PSEN1: variants seen among roughly 807,000 people sequenced by gnomAD.
The protein encoded by PSEN1 is presenilin 1.
Under a neutral mutation model 53.5 loss-of-function variants are expected in PSEN1, and 15 were observed. The ratio of observed to expected loss-of-function variants is 0.28; its 90% CI spans 0.19 to 0.43. The LOEUF (loss-of-function observed/expected upper bound fraction) is 0.43. Ranked by LOEUF, PSEN1 falls within the 20% of genes least tolerant of loss-of-function variation. The probability of loss-of-function intolerance (pLI) is 1.00; values close to 1 mark genes in which losing one functional copy is unlikely to be tolerated. For missense variants in PSEN1, 387 were observed against 571.2 expected (o/e 0.68, Z 3.29); for synonymous variants, 208 against 209.8 (o/e 0.99, Z 0.08).
chr14:73,165,623 C>G (rs1052601279), intron 3 of PSEN1, among the ~76,000 whole-genome samples: 7 of 151,518 alleles, frequency 4.6e-5, no homozygotes, highest in Non-Finnish European at 1.0e-4. Context: ...TGGCGCATGC[C>G]TGTAATCCCA....
At chr14:73,160,969 CTT>C (rs552718246) in intron 3 of PSEN1, among the ~76,000 whole-genome samples, 13 of 91,612 alleles carry the variant, frequency 1.4e-4, no homozygotes, top group South Asian at 3.5e-4. Context: ...ATATGATTTG[CTT>C]TTTTTTTTTT....
intron 11 of PSEN1, among the ~76,000 whole-genome samples, chr14:73,217,949 G>A (rs753340509): frequency 5.3e-5 from 8 of 151,546 alleles, no homozygotes; most frequent in Non-Finnish European, 1.0e-4. Context: ...CACCACGCCC[G>A]GCTAATTTTT....
intron 5 of PSEN1, among the ~76,000 whole-genome samples, chr14:73,184,076 A>G (rs214265): frequency 1.9e-4 from 19 of 100,982 alleles, no homozygotes; most frequent in South Asian, 3.7e-4. Flanking sequence ...CCTCCCTCCC[A>G]GACGGGGCGG....
intron 5 of PSEN1, among the ~76,000 whole-genome samples, chr14:73,185,067 T>C (rs1256737716): frequency 6.8e-6 from 1 of 147,642 alleles, no homozygotes. Flanking sequence ...GCAGAGGTGC[T>C]CCTCACTTCC....
At chr14:73,213,709 G>T (rs548417229) in intron 10 of PSEN1, among the ~76,000 whole-genome samples, 1 of 152,270 alleles carries the variant, frequency 6.6e-6, no homozygotes, top group South Asian at 2.1e-4. Flanking sequence ...TGAATGTTTA[G>T]TTCTCCCAAG....
intron 7 of PSEN1, among the ~76,000 whole-genome samples, chr14:73,195,758 A>G (rs748327218): frequency 7.2e-5 from 11 of 151,912 alleles, no homozygotes; most frequent in Non-Finnish European, 1.5e-4. Flanking sequence ...TTGACCTCCT[A>G]GCTTCAAGCA....
intron 3 of PSEN1, among the ~76,000 whole-genome samples, chr14:73,158,282 T>TTCTATCTATCTATCTGTCTATCTA (rs1555351587): frequency 1.8e-4 from 25 of 141,574 alleles, no homozygotes; most frequent in African/African-American, 6.6e-4. Context: ...TAACTTTTTT[T>TTCTATCTATCTATCTGTCTATCTA]TCTATCTATC....
In PSEN1 at chr14:73,211,890, T is replaced by G; in HGVS notation, c.1077T>G (p.Ala359=). The stretch of plus-strand genomic sequence containing the variant: ...ATCGCTCTACACCTGAGTCACGAGC[T>G]GCTGTCCAGGAACTTTCCAGCAGTA... ...GPHRSTPESR[A]AVQELSSSIL... Residue 359 remains alanine, a synonymous_variant, in exon 10 of 12, where the codon GCT becomes GCG. Coordinates refer to ENST00000324501, the MANE Select transcript of PSEN1 (RefSeq NM_000021.4). The G allele has an allele frequency of 6.2e-7, 1 of 1,613,976 alleles. No homozygotes were observed. The highest frequency in any genetic ancestry group is 8.5e-7 in the Non-Finnish European group (1 of 1,180,000).
intron 3 of PSEN1, among the ~76,000 whole-genome samples, chr14:73,154,615 A>T (rs1371986599): frequency 2.3e-4 from 35 of 152,188 alleles, no homozygotes; most frequent in Admixed American, 2.3e-3. Context: ...AAAGAAAAAA[A>T]TGTGTGGCAA....
intron 10 of PSEN1, among the ~76,000 whole-genome samples, chr14:73,214,088 T>G (rs1172285590): frequency 6.6e-6 from 1 of 152,238 alleles, no homozygotes; most frequent in Non-Finnish European, 1.5e-5. Context: ...CACATGTCTA[T>G]TAACTGATAA....
chr14:73,211,461 A>G (rs115376785), intron 9 of PSEN1, among the ~76,000 whole-genome samples: 2,282 of 152,316 alleles, frequency 0.015, 58 homozygotes, highest in African/African-American at 0.051. Flanking sequence ...TTACAACCCC[A>G]CAACCTTAGA....
chr14:73,198,332 G>T (rs1261061213), intron 8 of PSEN1, among the ~76,000 whole-genome samples: 1 of 152,180 alleles, frequency 6.6e-6, no homozygotes, highest in Non-Finnish European at 1.5e-5. Context: ...AATATGAATA[G>T]AAAGAAAGAA....
At chr14:73,197,224 C>CAT (rs1566644997) in intron 7 of PSEN1, among the ~76,000 whole-genome samples, 2 of 152,140 alleles carry the variant, frequency 1.3e-5, no homozygotes, top group East Asian at 3.9e-4. Flanking sequence ...TGAGCCACTG[C>CAT]GCCCGGCCTA....
chr14:73,198,690 A>G (rs1017916539), intron 8 of PSEN1, among the ~76,000 whole-genome samples: 1 of 152,222 alleles, frequency 6.6e-6, no homozygotes, highest in Non-Finnish European at 1.5e-5. Flanking sequence ...CAGAGGATTC[A>G]GAGGTAGAAT....
chr14:73,151,692 C>G (rs1159891984), intron 3 of PSEN1, among the ~76,000 whole-genome samples: 2 of 151,496 alleles, frequency 1.3e-5, no homozygotes, highest in African/African-American at 4.9e-5. Flanking sequence ...CTCAGCCTCC[C>G]AAGTAGCTGG....
chr14:73,147,467 T>C (rs1447933959), intron 1 of PSEN1: 7 of 165,684 alleles, frequency 4.2e-5, no homozygotes, highest in African/African-American at 1.7e-4. Context: ...AGACAAATGA[T>C]TTTATGAAAA....
chr14:73,167,661 G>T (rs575002423), intron 3 of PSEN1, among the ~76,000 whole-genome samples: 3 of 151,556 alleles, frequency 2.0e-5, no homozygotes, highest in African/African-American at 4.8e-5. Flanking sequence ...TCCCCACTTT[G>T]TCTCTTCCTC....
At chr14:73,156,908 C>T (rs1478755743) in intron 3 of PSEN1, among the ~76,000 whole-genome samples, 1 of 152,010 alleles carries the variant, frequency 6.6e-6, no homozygotes, top group Non-Finnish European at 1.5e-5. Context: ...GTGATCCGCC[C>T]GCCTGGGACT....
At chr14:73,194,859 T>C (rs916042991) in intron 7 of PSEN1, among the ~76,000 whole-genome samples, 4 of 151,862 alleles carry the variant, frequency 2.6e-5, no homozygotes, top group African/African-American at 9.7e-5. Flanking sequence ...TGAGCCACCG[T>C]GCCCGGCCTG....
Sources: allele counts gnomAD v4.1 joint callset (sites outside exome capture counted in the v4.1 genomes callset), GRCh38; gene constraint gnomAD v4.1.1; transcripts MANE v1.5; gene names NCBI Gene and HGNC (gene_info 2026-07-23, HGNC 2026-07-21).